Variants in DPP6 observed in about 807,000 individuals in gnomAD.
The protein encoded by DPP6 is A-type potassium channel modulatory protein DPP6.
A neutral mutation model predicts 122.6 loss-of-function variants in DPP6; 69 were observed. The ratio of observed to expected loss-of-function variants is 0.56; its 90% confidence interval spans 0.46 to 0.69. The LOEUF (loss-of-function observed/expected upper bound fraction) is 0.69. Ranked by LOEUF, DPP6 falls within the 30% of genes least tolerant of loss-of-function variation. DPP6 has a pLI of 0.00. For synonymous variants in DPP6, 418 were observed against 433.1 expected, an observed-to-expected ratio of 0.97 and a Z score of 0.43; for missense variants, 928 against 1,116.9, an observed-to-expected ratio of 0.83 and a Z score of 2.41.
chr7:154,383,171 C>A (rs552923557), intron 1 of DPP6, among the ~76,000 whole-genome samples: 1 of 152,348 alleles, frequency 6.6e-6, no homozygotes, highest in South Asian at 2.1e-4. Flanking sequence ...GTGACTATTT[C>A]TGGCAAGGCC....
rs528201153 is a variant in DPP6 at position 154,010,568 on chromosome 7, C to A, written c.51+122834C>A. On this transcript the variant is annotated intron_variant, in intron 1 of 25. Coordinates refer to the DPP6 transcript ENST00000404039. Reference sequence around the variant, plus strand: ...TTGTTTTAAACTACAAAATAAAACACAGGATTAGGTTTTGTTCTCAGTGTC... The same window carrying A: ...TTGTTTTAAACTACAAAATAAAACAAAGGATTAGGTTTTGTTCTCAGTGTC... 1.4e-4 allele frequency among the ~76,000 whole-genome samples: 21 copies of A among 152,310 alleles called. No homozygotes were observed. The East Asian group carries it at 3.9e-3, about 28-fold the overall frequency.
At chr7:154,439,975 A>G (rs1184327532) in intron 1 of DPP6, among the ~76,000 whole-genome samples, 1 of 152,214 alleles carries the variant, frequency 6.6e-6, no homozygotes, top group Non-Finnish European at 1.5e-5. Flanking sequence ...TCCCTTCTCC[A>G]CATGGAGGAC....
chr7:154,140,212 C>A (rs1372159421), intron 1 of DPP6, among the ~76,000 whole-genome samples: 3 of 152,216 alleles, frequency 2.0e-5, no homozygotes, highest in Non-Finnish European at 2.9e-5. Flanking sequence ...CCAGAGAGCT[C>A]CATATTTATG....
At chr7:154,876,357 G>A in intron 20 of DPP6, 1 of 584,290 alleles carries the variant, frequency 1.7e-6, no homozygotes, top group Non-Finnish European at 2.5e-6. Flanking sequence ...GATAGAAATT[G>A]CCGGTTGGGT....
At chr7:154,058,678 G>T (rs138291928) in intron 1 of DPP6, 54,193 of 148,308 alleles carry the variant, frequency 0.37, 10,612 homozygotes, top group East Asian at 0.49. Context: ...ACTGCGGGTG[G>T]TAGGTGTCCA....
intron 14 of DPP6, 119 bp downstream of exon 14, chr7:154,804,074 C>T (rs1438418487): frequency 8.1e-7 from 1 of 1,230,806 alleles, no homozygotes; most frequent in Non-Finnish European, 1.1e-6. Context: ...CCTCCTCAGG[C>T]AGCATCACTG....
the DPP6 span, among the ~76,000 whole-genome samples, chr7:153,835,671 T>C: frequency 6.6e-6 from 1 of 152,200 alleles, no homozygotes; most frequent in East Asian, 1.9e-4. Context: ...GGGGTTTTAG[T>C]AGTTTTTGAT....
intron 1 of DPP6, among the ~76,000 whole-genome samples, chr7:154,045,233 A>G (rs1459146443): frequency 6.6e-6 from 1 of 151,104 alleles, no homozygotes; most frequent in African/African-American, 2.4e-5. Flanking sequence ...TCCCTCATTT[A>G]AATGGTTTCT....
chr7:154,153,298 G>T (rs1364194070), intron 1 of DPP6, among the ~76,000 whole-genome samples: 1 of 152,094 alleles, frequency 6.6e-6, no homozygotes, highest in Admixed American at 6.5e-5. Flanking sequence ...AGATTGTCCT[G>T]CCTCAGCCTC....
At chr7:154,171,273 G>A (rs913826733) in intron 1 of DPP6, among the ~76,000 whole-genome samples, 3 of 152,176 alleles carry the variant, frequency 2.0e-5, no homozygotes, top group Admixed American at 1.3e-4. Flanking sequence ...CTTCAACAAC[G>A]CTAGGAGTGG....
chr7:154,093,157 TACAC>T (rs970925120), intron 1 of DPP6, among the ~76,000 whole-genome samples: 22 of 134,804 alleles, frequency 1.6e-4, no homozygotes, highest in African/African-American at 5.9e-4. Context: ...TCATACATCA[TACAC>T]ACCACACACA....
At chr7:153,990,444 A>T (rs1585141495) in intron 1 of DPP6, among the ~76,000 whole-genome samples, 1 of 122,538 alleles carries the variant, frequency 8.2e-6, no homozygotes. Context: ...TTGCCCAGGG[A>T]ATTGCAATCA....
At chr7:154,475,089 C>T (rs774870024) in intron 3 of DPP6, 52 bp downstream of exon 3, 5 of 1,352,284 alleles carry the variant, frequency 3.7e-6, no homozygotes, top group Non-Finnish European at 5.3e-6. Flanking sequence ...GCCTCACCCC[C>T]ACTTTCAATA....
chr7:153,879,592 A>G, the DPP6 span, among the ~76,000 whole-genome samples: 9 of 151,900 alleles, frequency 5.9e-5, no homozygotes, highest in Non-Finnish European at 1.0e-4. Context: ...GTTTCACCAC[A>G]TTGGTCAGGC....
chr7:154,322,243 A>G (rs1255579642), intron 1 of DPP6, among the ~76,000 whole-genome samples: 2 of 152,130 alleles, frequency 1.3e-5, no homozygotes, highest in African/African-American at 2.4e-5. Context: ...AAACCCCACA[A>G]TTAGGAAATA....
chr7:154,525,653 TG>T (rs1337806319), intron 3 of DPP6, among the ~76,000 whole-genome samples: 4 of 152,260 alleles, frequency 2.6e-5, no homozygotes, highest in Non-Finnish European at 1.5e-5. Flanking sequence ...TCAGAGAACG[TG>T]GCTAACACAT....
intron 5 of DPP6, among the ~76,000 whole-genome samples, chr7:154,616,328 A>G (rs1297349074): frequency 6.6e-6 from 1 of 152,196 alleles, no homozygotes; most frequent in Non-Finnish European, 1.5e-5. Flanking sequence ...CTAAAGACAG[A>G]TTCCATTGAT....
chr7:153,825,278 C>G, the DPP6 span, among the ~76,000 whole-genome samples: 2 of 152,048 alleles, frequency 1.3e-5, no homozygotes, highest in African/African-American at 4.8e-5. Context: ...GGAGAGACCC[C>G]CTTTAAGGAG....
chr7:154,330,577 C>T (rs1377099510), intron 1 of DPP6, among the ~76,000 whole-genome samples: 1 of 152,180 alleles, frequency 6.6e-6, no homozygotes, highest in Non-Finnish European at 1.5e-5. Flanking sequence ...ACTGAGACCG[C>T]TCCAGACATC....
Sources: allele counts gnomAD v4.1 joint callset (sites outside exome capture counted in the v4.1 genomes callset), GRCh38; gene constraint gnomAD v4.1.1; transcripts MANE v1.5; gene names NCBI Gene and HGNC (gene_info 2026-07-23, HGNC 2026-07-21).